The following MOB1B variants were observed in gnomAD, a reference collection of about 807,000 sequenced individuals.
The protein encoded by MOB1B is MOB kinase activator 1B, also known as MOB1 Mps One Binder homolog B.
A neutral mutation model predicts 24.4 loss-of-function variants in MOB1B; 19 were observed. The ratio of observed to expected loss-of-function variants is 0.78; its 90% CI spans 0.54 to 1.14. MOB1B has a LOEUF of 1.14. MOB1B is among the 50% of genes most tolerant of loss of function. MOB1B has a pLI of 0.00. For synonymous variants in MOB1B, 76 were observed against 82.1 expected, an observed-to-expected ratio of 0.93 and a Z score of 0.40; for missense variants, 243 against 259.6, an observed-to-expected ratio of 0.94 and a Z score of 0.44.
At chr4:70,925,124 A>G (rs563518806) in intron 1 of MOB1B, among the ~76,000 whole-genome samples, 1 of 151,896 alleles carries the variant, frequency 6.6e-6, no homozygotes, top group African/African-American at 2.4e-5. Context: ...GCTCACTGCA[A>G]CCTCCACCTC....
At chr4:70,923,948 A>C (rs1176415127) in intron 1 of MOB1B, among the ~76,000 whole-genome samples, 2 of 104,350 alleles carry the variant, frequency 1.9e-5, no homozygotes, top group African/African-American at 8.0e-5. Context: ...CTCAAAAAAA[A>C]AAAAAAAAAT....
At chr4:70,978,933 A>G (rs1266253979) in intron 4 of MOB1B, among the ~76,000 whole-genome samples, 195 bp from the exon 5 acceptor site, 1 of 152,228 alleles carries the variant, frequency 6.6e-6, no homozygotes, top group African/African-American at 2.4e-5. Context: ...TTCTTATACC[A>G]TAAAAACTTT....
chr4:70,903,021 C>G (rs924314185), intron 1 of MOB1B, among the ~76,000 whole-genome samples: 1 of 152,152 alleles, frequency 6.6e-6, no homozygotes, highest in Non-Finnish European at 1.5e-5. Context: ...ATCCCAGGAC[C>G]CTTTTAACTT....
intron 3 of MOB1B, 28 bp from the exon 4 acceptor site, chr4:70,975,125 C>T: frequency 1.3e-6 from 2 of 1,565,242 alleles, no homozygotes; most frequent in East Asian, 2.3e-5. Flanking sequence ...TACTAATCTT[C>T]TGTGTGCTTT....
At chr4:70,965,099 C>A (rs896616500) in intron 2 of MOB1B, among the ~76,000 whole-genome samples, 5 of 151,736 alleles carry the variant, frequency 3.3e-5, no homozygotes, top group Admixed American at 6.6e-5. Flanking sequence ...GAGTTCAAGA[C>A]CAGCCTGGCC....
chr4:70,907,016 G>A (rs1735775788), intron 1 of MOB1B, among the ~76,000 whole-genome samples: 1 of 152,168 alleles, frequency 6.6e-6, no homozygotes, highest in Non-Finnish European at 1.5e-5. Context: ...TTAATGGAAG[G>A]TGAACAAGAG....
chr4:70,916,130 A>G (rs1736184827), intron 1 of MOB1B, among the ~76,000 whole-genome samples: 1 of 152,196 alleles, frequency 6.6e-6, no homozygotes, highest in African/African-American at 2.4e-5. Flanking sequence ...GCATGAGATT[A>G]GTCCAAAACG....
chr4:70,936,624 A>G (rs1037380810), intron 1 of MOB1B, among the ~76,000 whole-genome samples: 5 of 152,062 alleles, frequency 3.3e-5, no homozygotes, highest in African/African-American at 1.2e-4. Context: ...TTTAGCCTTC[A>G]TCCATGGGAT....
chr4:70,924,556 A>G (rs567498290), intron 1 of MOB1B, among the ~76,000 whole-genome samples: 1 of 152,250 alleles, frequency 6.6e-6, no homozygotes, highest in Non-Finnish European at 1.5e-5. Context: ...ATAGGTATAC[A>G]TGTGCCGTGT....
At chr4:70,958,704 A>G (rs1449568040) in intron 1 of MOB1B, 170 bp from the exon 2 acceptor site, 3 of 787,436 alleles carry the variant, frequency 3.8e-6, no homozygotes, top group Non-Finnish European at 6.7e-6. Context: ...TGAGTTAACT[A>G]GACACAGCAG....
intron 1 of MOB1B, among the ~76,000 whole-genome samples, chr4:70,904,479 G>A (rs1399786090): frequency 3.9e-5 from 6 of 152,006 alleles, no homozygotes; most frequent in Non-Finnish European, 2.9e-5. Flanking sequence ...GTTAAAGCAA[G>A]GCCAGTCGCG....
rs71599976 is a variant in MOB1B, at chr4:70,909,219, C to T, written c.14+6669C>T. Among the ~76,000 whole-genome samples the T allele has an allele frequency of 6.8e-3, 1,041 of 152,194 alleles. 10 individuals carry two copies. The highest frequency in any genetic ancestry group is 0.011 in the Non-Finnish European group (753 of 68,030). On this transcript the variant is annotated intron_variant, in intron 1 of 5. Coordinates refer to ENST00000309395, the MANE Select transcript of MOB1B (RefSeq NM_173468.4). ...TATGTTTATATGTGTCTATCTCTGT[C>T]TCCCTCTGTCTCTCTGTCCCTCACT...
chr4:70,910,414 C>A (rs746427654), intron 1 of MOB1B, among the ~76,000 whole-genome samples: 1 of 150,944 alleles, frequency 6.6e-6, no homozygotes, highest in East Asian at 1.9e-4. Context: ...CATACACATG[C>A]GTGTATATAC....
At chr4:70,948,705 C>T (rs1368971659) in intron 1 of MOB1B, among the ~76,000 whole-genome samples, 2 of 152,070 alleles carry the variant, frequency 1.3e-5, no homozygotes. Context: ...GGATTGTCTG[C>T]TCAACTTGAG....
chr4:70,979,996 T>C (rs1345623211), intron 5 of MOB1B, among the ~76,000 whole-genome samples: 1 of 152,142 alleles, frequency 6.6e-6, no homozygotes, highest in Non-Finnish European at 1.5e-5. Flanking sequence ...ATTGTTGCTA[T>C]TATTGTTGTT....
chr4:70,906,860 G>T (rs920215430), intron 1 of MOB1B, among the ~76,000 whole-genome samples: 1 of 152,168 alleles, frequency 6.6e-6, no homozygotes, highest in Non-Finnish European at 1.5e-5. Flanking sequence ...TGTGCCAGGC[G>T]TAGAGGAAGA....
At chr4:70,972,842 C>T (rs533406762) in intron 3 of MOB1B, among the ~76,000 whole-genome samples, 2 of 152,248 alleles carry the variant, frequency 1.3e-5, no homozygotes, top group South Asian at 4.1e-4. Flanking sequence ...GGCGCGATCT[C>T]GGCTCACTGC....
At position 70,981,085 on chromosome 4, in the gene MOB1B, C is replaced by G. The variant is rs1244732791; in HGVS notation, c.574-895C>G. Among the ~76,000 whole-genome samples, 6 of 152,216 alleles carry G rather than the reference C, an allele frequency of 3.9e-5. No individual in the cohort carries two copies. The East Asian group carries it at 1.2e-3, about 29-fold the overall frequency. ...TATTTGTTAAGGTAGGAGGATAGAG[C>G]ATGTTTTACTTAACAACATTCTAGC... On this transcript the variant is annotated intron_variant, in intron 5 of 5. Coordinates refer to ENST00000309395, the MANE Select transcript of MOB1B (RefSeq NM_173468.4).
intron 1 of MOB1B, among the ~76,000 whole-genome samples, chr4:70,956,659 A>G (rs1035546841): frequency 1.7e-4 from 26 of 152,142 alleles, no homozygotes; most frequent in South Asian, 1.2e-3. Flanking sequence ...GGCTCAAGCA[A>G]TCTGCCCGCC....
Sources: gnomAD v4.1 joint callset for allele counts (sites outside exome capture counted in the v4.1 genomes callset) on GRCh38, gnomAD v4.1.1 for gene constraint, MANE v1.5 for transcripts, NCBI Gene and HGNC (gene_info 2026-07-23, HGNC 2026-07-21) for gene names.